Variants in GFRA1 observed in about 807,000 individuals in gnomAD.
GFRA1 encodes the protein GDNF family receptor alpha 1.
A neutral mutation model predicts 51.6 loss-of-function variants in GFRA1; 16 were observed. The observed-to-expected ratio is 0.31, with a 90% CI of 0.21 to 0.47. The LOEUF is 0.47. Among genes scored for constraint, GFRA1 ranks in the 20% least tolerant of loss-of-function variants. GFRA1 has a pLI of 1.00. For missense variants in GFRA1, 530 were observed against 594.3 expected, an observed-to-expected ratio of 0.89 and a Z score of 1.13; for synonymous variants, 270 against 241.3, an observed-to-expected ratio of 1.12 and a Z score of -1.10.
intron 6 of GFRA1, among the ~76,000 whole-genome samples, chr10:116,124,080 T>G (rs1957753398): frequency 6.6e-6 from 1 of 152,038 alleles, no homozygotes; most frequent in African/African-American, 2.4e-5. Flanking sequence ...ATTGTTTGTA[T>G]TTTTAGTAGA....
At chr10:116,183,059 C>T (rs764645519) in intron 5 of GFRA1, among the ~76,000 whole-genome samples, 6 of 152,188 alleles carry the variant, frequency 3.9e-5, no homozygotes, top group South Asian at 2.1e-4. Flanking sequence ...TTCTCTTTGC[C>T]GCCTTGATGT....
chr10:116,142,810 T>C (rs1282181386), intron 5 of GFRA1, among the ~76,000 whole-genome samples: 3 of 152,206 alleles, frequency 2.0e-5, no homozygotes, highest in Non-Finnish European at 4.4e-5. Flanking sequence ...CAACTCTATA[T>C]AGATCTGTTA....
intron 4 of GFRA1, among the ~76,000 whole-genome samples, chr10:116,219,019 A>T (rs982912754): frequency 1.3e-5 from 2 of 152,142 alleles, no homozygotes; most frequent in African/African-American, 4.8e-5. Flanking sequence ...AAATAAAAAA[A>T]AAAGCCTCAA....
chr10:116,106,526 T>TCCCTCA, intron 6 of GFRA1, among the ~76,000 whole-genome samples: 1 of 135,796 alleles, frequency 7.4e-6, no homozygotes, highest in East Asian at 2.3e-4. Context: ...TGGGAGGTGA[T>TCCCTCA]TGGATCCTGG....
intron 6 of GFRA1, among the ~76,000 whole-genome samples, chr10:116,124,010 T>C (rs1226283537): frequency 6.6e-6 from 1 of 152,176 alleles, no homozygotes; most frequent in Non-Finnish European, 1.5e-5. Context: ...GTTCAAGCAA[T>C]TCTCCTGCCT....
At chr10:116,079,326 A>C (rs1955751396) in intron 9 of GFRA1, among the ~76,000 whole-genome samples, 1 of 152,088 alleles carries the variant, frequency 6.6e-6, no homozygotes, top group Non-Finnish European at 1.5e-5. Flanking sequence ...ATGGACTAAG[A>C]CAAGTAGTAA....
intron 5 of GFRA1, among the ~76,000 whole-genome samples, chr10:116,128,434 T>C (rs1363400813): frequency 1.3e-5 from 2 of 152,160 alleles, no homozygotes; most frequent in South Asian, 4.1e-4. Flanking sequence ...AAAAAAAAAT[T>C]GGCCTAGTGT....
At chr10:116,196,847 A>ATTT (rs770988253) in intron 5 of GFRA1, among the ~76,000 whole-genome samples, 1,127 of 93,480 alleles carry the variant, frequency 0.012, 15 homozygotes, top group African/African-American at 0.038. Flanking sequence ...ATATATATAT[A>ATTT]TTTTTTTTCC....
chr10:116,183,459 A>T (rs1479604831), intron 5 of GFRA1, among the ~76,000 whole-genome samples: 1 of 152,148 alleles, frequency 6.6e-6, no homozygotes, highest in Non-Finnish European at 1.5e-5. Context: ...CTTCCTCAAA[A>T]TCAAGAGCAA....
intron 10 of GFRA1, 98 bp from the exon 11 acceptor site, chr10:116,064,642 CCCACTCACCA>C: frequency 3.6e-6 from 4 of 1,124,834 alleles, no homozygotes; most frequent in Non-Finnish European, 5.4e-6. Context: ...CACTGGCTGA[CCCACTCACCA>C]AAGCTGACCA....
intron 9 of GFRA1, among the ~76,000 whole-genome samples, chr10:116,087,815 G>A (rs774826071): frequency 1.2e-4 from 19 of 152,118 alleles, no homozygotes; most frequent in Non-Finnish European, 2.6e-4. Context: ...CTGGCTCTAG[G>A]CCTGCTTTCA....
At chr10:116,178,299 C>CGA (rs1555163903) in intron 5 of GFRA1, among the ~76,000 whole-genome samples, 24,972 of 138,996 alleles carry the variant, frequency 0.18, 2,243 homozygotes, top group African/African-American at 0.2. Context: ...CACAAGGGGC[C>CGA]GGGGGGGCGT....
At chr10:116,256,609 C>A (rs897655010) in intron 4 of GFRA1, among the ~76,000 whole-genome samples, 2 of 150,190 alleles carry the variant, frequency 1.3e-5, no homozygotes, top group African/African-American at 4.9e-5. Flanking sequence ...CCCATCCTCT[C>A]CCCTCAAGCA....
At chr10:116,131,904 GAAAAAAA>G (rs71010066) in intron 5 of GFRA1, among the ~76,000 whole-genome samples, 1 of 100,172 alleles carries the variant, frequency 1.0e-5, no homozygotes, top group South Asian at 3.3e-4. Flanking sequence ...ATCTCAAAAG[GAAAAAAA>G]AAAAAAAAAA....
chr10:116,213,018 G>T (rs994814112), intron 4 of GFRA1, among the ~76,000 whole-genome samples: 7 of 152,068 alleles, frequency 4.6e-5, no homozygotes, highest in Admixed American at 2.0e-4. Context: ...CACCAGCAGA[G>T]ATACAGACAG....
chr10:116,075,356 C>T (rs185211406), intron 9 of GFRA1, among the ~76,000 whole-genome samples: 103 of 152,308 alleles, frequency 6.8e-4, no homozygotes, highest in African/African-American at 1.6e-3. Flanking sequence ...GATGCCGCCT[C>T]GGCACAGGCT....
In GFRA1 at chr10:116,235,713, G is replaced by A. The variant is rs372125234; in HGVS notation, c.419-24068C>T. 3.3e-5 allele frequency among the ~76,000 whole-genome samples: 5 copies of A among 152,186 alleles called. No homozygotes were observed. The East Asian group carries it at 5.8e-4, about 18-fold the overall frequency. ...AACCCCAATGTGATGGTATTTGGAA[G>A]TGGAGCCTTTCGGCAGTAATTAGAG... On this transcript the variant is annotated intron_variant, in intron 4 of 10. Coordinates refer to ENST00000355422, the MANE Select transcript of GFRA1 (RefSeq NM_005264.8).
At chr10:116,241,385 A>G (rs1261617651) in intron 4 of GFRA1, among the ~76,000 whole-genome samples, 5 of 152,180 alleles carry the variant, frequency 3.3e-5, no homozygotes, top group East Asian at 1.9e-4. Context: ...TCTCAACCAC[A>G]CAACTTCACA....
At chr10:116,249,508 T>C (rs1357181957) in intron 4 of GFRA1, among the ~76,000 whole-genome samples, 1 of 152,114 alleles carries the variant, frequency 6.6e-6, no homozygotes, top group African/African-American at 2.4e-5. Flanking sequence ...CAAATTTTCT[T>C]TATCATCCAA....
Sources: gnomAD v4.1 joint callset for allele counts (sites outside exome capture counted in the v4.1 genomes callset) on GRCh38, gnomAD v4.1.1 for gene constraint, MANE v1.5 for transcripts, NCBI Gene and HGNC (gene_info 2026-07-23, HGNC 2026-07-21) for gene names.